The following PCDHA3 variants were observed in gnomAD, a reference collection of about 807,000 sequenced individuals.
The protein encoded by PCDHA3 is protocadherin alpha 3.
PCDHA3 carries 41 observed loss-of-function variants against 62.2 expected under a neutral mutation model. That is an observed-to-expected ratio of 0.66 (90% CI 0.51 to 0.86). PCDHA3 has a LOEUF of 0.86. Ranked by LOEUF, PCDHA3 falls within the 40% of genes least tolerant of loss-of-function variation. The pLI, the probability that PCDHA3 is intolerant of heterozygous loss-of-function variation, is 0.00. For synonymous variants in PCDHA3, 640 were observed against 555.4 expected (o/e 1.15, Z -2.14); for missense variants, 1,304 against 1,241.2 (o/e 1.05, Z -0.76).
intron 3 of PCDHA3, among the ~76,000 whole-genome samples, chr5:140,999,693 A>AT (rs202183337): frequency 0.011 from 1,632 of 151,520 alleles, 13 homozygotes; most frequent in Middle Eastern, 0.058. Flanking sequence ...AAGAAATGTG[A>AT]TTTTTTTTTA....
In PCDHA3 at chr5:140,803,607, T is replaced by C. The variant is rs201656415; in HGVS notation, c.2394+16T>C. The C allele has an allele frequency of 6.2e-7, 1 of 1,614,172 alleles. No individual in the cohort carries two copies. Among genetic ancestry groups the C allele is most frequent in the Non-Finnish European group, 8.5e-7 (1 of 1,180,014 alleles). ...CTCAGCCAAAGTGAGTAATTTTTATTTATTCTTTCCAAAATGTCTTTGTTT... is the reference window on the plus strand; with the variant it reads ...CTCAGCCAAAGTGAGTAATTTTTATCTATTCTTTCCAAAATGTCTTTGTTT... On this transcript the variant is annotated intron_variant, in intron 1 of 3. Transcript: ENST00000522353.
intron 1 of PCDHA3, chr5:140,966,810 G>C (rs1290992432): frequency 3.2e-6 from 5 of 1,548,566 alleles, no homozygotes; most frequent in Non-Finnish European, 4.3e-6. Context: ...GAGCATCCAC[G>C]GCTCCGGCGG....
At chr5:140,942,867 C>T (rs1023164811) in intron 1 of PCDHA3, among the ~76,000 whole-genome samples, 5 of 151,858 alleles carry the variant, frequency 3.3e-5, no homozygotes, top group Admixed American at 1.3e-4. Context: ...TTTGCTTTAG[C>T]ATGACAACTT....
intron 1 of PCDHA3, chr5:140,815,189 A>T (rs1348855581): frequency 6.6e-6 from 1 of 152,164 alleles, no homozygotes; most frequent in Admixed American, 6.5e-5. Flanking sequence ...TTTTATTTAA[A>T]GTAATTATTG....
intron 1 of PCDHA3, chr5:140,883,784 A>G (rs2059818732): frequency 3.7e-6 from 6 of 1,612,354 alleles, no homozygotes; most frequent in Non-Finnish European, 4.2e-6. Context: ...TGCGCTGTCG[A>G]GCTACGTGTC....
At chr5:140,868,100 AT>A (rs2050277597) in intron 1 of PCDHA3, 2 of 152,142 alleles carry the variant, frequency 1.3e-5, no homozygotes, top group South Asian at 4.1e-4. Context: ...TGATAATAAA[AT>A]TTATTTTATA....
intron 1 of PCDHA3, among the ~76,000 whole-genome samples, chr5:140,906,736 AT>A (rs1330405649): frequency 6.6e-6 from 1 of 152,132 alleles, no homozygotes; most frequent in Non-Finnish European, 1.5e-5. Flanking sequence ...GTAGTTTCCC[AT>A]TGACACAGGG....
intron 2 of PCDHA3, among the ~76,000 whole-genome samples, chr5:140,980,573 T>G (rs1040024915): frequency 6.6e-6 from 1 of 152,066 alleles, no homozygotes; most frequent in Non-Finnish European, 1.5e-5. Context: ...GAAGTTGCAG[T>G]GAGCCAAGAT....
chr5:141,009,923 A>T lies in PCDHA3; in HGVS notation c.2839A>T (p.Asn947Tyr), dbSNP rs1463725058. The change falls in exon 4 of 4, where the codon AAC becomes TAC. Residue 947 changes from asparagine (N) to tyrosine (Y), a missense_variant. By Grantham distance (143) the Asn-to-Tyr change is moderately radical. Coordinates refer to ENST00000522353, the MANE Select transcript of PCDHA3 (RefSeq NM_018906.3). ...KKEKGNSTTD[N>Y]SDQ ...AGAGAAAGGGAACAGCACGACTGAC[A>T]ACAGTGACCAGTGAGGTCCTCAAAT... 6.2e-7 allele frequency: 1 copy of T among 1,608,790 alleles called. No homozygotes were observed. The highest frequency in any genetic ancestry group is 8.5e-7 in the Non-Finnish European group (1 of 1,178,528).
At chr5:140,967,226 C>G (rs782350843) in intron 1 of PCDHA3, 1 of 1,613,746 alleles carries the variant, frequency 6.2e-7, no homozygotes, top group Non-Finnish European at 8.5e-7. Flanking sequence ...GCCCAACTAC[C>G]AGCTTCAGGT....
intron 1 of PCDHA3, among the ~76,000 whole-genome samples, chr5:140,917,329 GA>G (rs1467900886): frequency 0.012 from 1,654 of 143,658 alleles, 142 homozygotes; most frequent in African/African-American, 0.032. Context: ...TGTGGCGGGG[GA>G]GGGGGGGGAT....
intron 1 of PCDHA3, chr5:140,968,321 A>G: frequency 6.2e-7 from 1 of 1,613,834 alleles, no homozygotes; most frequent in Non-Finnish European, 8.5e-7. Flanking sequence ...GCTGCCAGTC[A>G]CCTCCTATGT....
rs148828100 is a variant in PCDHA3, at chr5:140,841,462, G to C, written c.2394+37871G>C. The stretch of plus-strand genomic sequence containing the variant: ...CCAAACACGGCACCTTCGTGGGCCG[G>C]ATCGCGCAGGACCTGGGGCTGGAGC... On this transcript the variant is annotated intron_variant, in intron 1 of 3. Coordinates refer to ENST00000522353, the MANE Select transcript of PCDHA3 (RefSeq NM_018906.3). 2.4e-3 allele frequency: 3,771 copies of C among 1,566,800 alleles called. 62 individuals are homozygous for C. Among genetic ancestry groups the C allele is most frequent in the African/African-American group, 0.015 (1,090 of 73,024 alleles).
At chr5:140,893,066 A>G (rs1221245824) in intron 1 of PCDHA3, among the ~76,000 whole-genome samples, 1 of 152,248 alleles carries the variant, frequency 6.6e-6, no homozygotes, top group Admixed American at 6.5e-5. Flanking sequence ...ACTGCCATGA[A>G]TAACAGGATT....
chr5:140,972,505 T>C (rs2096539361), intron 1 of PCDHA3, among the ~76,000 whole-genome samples: 1 of 152,100 alleles, frequency 6.6e-6, no homozygotes, highest in African/African-American at 2.4e-5. Flanking sequence ...GTTGGTAGAT[T>C]TTACCCCCAG....
intron 1 of PCDHA3, chr5:140,823,946 C>A: frequency 6.2e-7 from 1 of 1,613,970 alleles, no homozygotes; most frequent in Non-Finnish European, 8.5e-7. Flanking sequence ...CGGTGCTCGG[C>A]GCAGCCCACC....
chr5:140,861,565 T>C (rs1191527978), intron 1 of PCDHA3: 2 of 376,886 alleles, frequency 5.3e-6, no homozygotes, highest in South Asian at 4.9e-5. Flanking sequence ...GTGGACAAGC[T>C]GCTACAGGTT....
intron 1 of PCDHA3, chr5:140,809,560 A>C (rs782739291): frequency 6.2e-7 from 1 of 1,608,418 alleles, no homozygotes; most frequent in Admixed American, 1.7e-5. Context: ...CAACTGAGGA[A>C]TCCTTTGCAA....
rs781936039 is a variant in PCDHA3 at position 140,809,371 on chromosome 5, C to T, written c.2394+5780C>T. 12 of 1,613,986 alleles carry T rather than the reference C, an allele frequency of 7.4e-6. No homozygotes were observed. In the Admixed American group the frequency reaches 8.3e-5, roughly 11 times the overall value. On this transcript the variant is annotated intron_variant, in intron 1 of 3. Coordinates refer to ENST00000522353, the MANE Select transcript of PCDHA3 (RefSeq NM_018906.3). ...CGCTGCGGTGCTCTGCGCTGCCCAC[C>T]GAGGGCGCGTGCGCTCCGGGCAAGC...
Sources: allele counts gnomAD v4.1 joint callset (sites outside exome capture counted in the v4.1 genomes callset), GRCh38; gene constraint gnomAD v4.1.1; transcripts MANE v1.5; gene names NCBI Gene and HGNC (gene_info 2026-07-23, HGNC 2026-07-21).